Variants in PRH1 observed in about 807,000 individuals in gnomAD.
PRH1 encodes proline rich protein HaeIII subfamily 1.
A neutral mutation model predicts 7.9 loss-of-function variants in PRH1; 7 were observed. The ratio of observed to expected loss-of-function variants is 0.89; its 90% CI spans 0.50 to 1.67. The LOEUF is 1.67. PRH1 is among the 40% of genes most tolerant of loss of function. PRH1 has a pLI of 0.00. For synonymous variants in PRH1, 45 were observed against 80.8 expected, an observed-to-expected ratio of 0.56 and a Z score of 2.38; for missense variants, 109 against 223.6, an observed-to-expected ratio of 0.49 and a Z score of 3.27.
intron 1 of PRH1, chr12:10,986,577 C>T (rs1377016537): frequency 1.2e-6 from 2 of 1,614,058 alleles, no homozygotes; most frequent in Admixed American, 3.3e-5. Context: ...AAGCCACATG[C>T]TGAAATGGTT....
chr12:11,163,350 T>C (rs1302930520), intron 1 of PRH1, among the ~76,000 whole-genome samples: 1 of 142,660 alleles, frequency 7.0e-6, no homozygotes, highest in Non-Finnish European at 1.5e-5. Flanking sequence ...TAAAGGAATA[T>C]TAATCCTGAA....
intron 1 of PRH1, among the ~76,000 whole-genome samples, chr12:11,084,157 A>C (rs1158781492): frequency 2.5e-5 from 3 of 120,092 alleles, no homozygotes; most frequent in Non-Finnish European, 5.9e-5. Context: ...AGGATTAAAA[A>C]CTCCTTCCCT....
intron 1 of PRH1, chr12:11,062,164 G>A (rs1459332408): frequency 1.2e-6 from 2 of 1,613,614 alleles, no homozygotes; most frequent in South Asian, 2.2e-5. Flanking sequence ...AATTTGGTCA[G>A]CAAAAGAGAT....
chr12:11,096,259 A>G (rs7306898), intron 1 of PRH1, among the ~76,000 whole-genome samples: 108,994 of 113,390 alleles, frequency 0.96, 53,491 homozygotes, highest in Middle Eastern at 1. Context: ...CTACCTCTTG[A>G]TCTCTTTATG....
At chr12:11,094,052 T>C (rs143296295) in intron 1 of PRH1, among the ~76,000 whole-genome samples, 2,863 of 112,364 alleles carry the variant, frequency 0.025, 825 homozygotes, top group South Asian at 0.038. Context: ...AAAATCCAGG[T>C]CCAGTGCAGG....
Position 11,090,519 on chromosome 12 carries a change from T to C in PRH1, n.124-43331A>G, listed in dbSNP as rs1443915090. Among the ~76,000 whole-genome samples the C allele has an allele frequency of 2.1e-5, 2 of 93,972 alleles. 1 individual carries two copies. Among genetic ancestry groups the C allele is most frequent in the Non-Finnish European group, 5.2e-5 (2 of 38,442 alleles). The allele number at this position is 93,972 out of a possible 152,430, so 61.6% of individuals were successfully genotyped here. On this transcript the variant is annotated intron_variant and non_coding_transcript_variant, in intron 1 of 4. Transcript: ENST00000541977. ...AATGACGTTTCTAACTGCATATGCATAACTGATGATACCAATCAAGATCAT... is the reference window on the plus strand; with the variant it reads ...AATGACGTTTCTAACTGCATATGCACAACTGATGATACCAATCAAGATCAT...
chr12:11,159,066 GA>G, intron 1 of PRH1: 1 of 154,586 alleles, frequency 6.5e-6, no homozygotes, highest in East Asian at 1.8e-4. Context: ...CTTGAGCCCA[GA>G]GAGTTGAGCT....
At chr12:10,900,828 C>T (rs986287995) in intron 2 of PRH1, among the ~76,000 whole-genome samples, 1 of 152,090 alleles carries the variant, frequency 6.6e-6, no homozygotes, top group African/African-American at 2.4e-5. Context: ...TAGGGAGGCC[C>T]TCTCTGCTTC....
chr12:11,037,455 G>A (rs753446474), intron 1 of PRH1, among the ~76,000 whole-genome samples: 25 of 152,276 alleles, frequency 1.6e-4, no homozygotes, highest in South Asian at 4.1e-4. Flanking sequence ...ACTTACAGGT[G>A]TACATGTGAA....
chr12:10,935,587 C>T (rs16925834), intron 2 of PRH1, among the ~76,000 whole-genome samples: 2,988 of 152,154 alleles, frequency 0.02, 35 homozygotes, highest in South Asian at 0.031. Flanking sequence ...CTCAGTAATA[C>T]CCACTCCCCT....
At chr12:11,128,701 C>T (rs987193084) in intron 1 of PRH1, among the ~76,000 whole-genome samples, 3 of 152,138 alleles carry the variant, frequency 2.0e-5, no homozygotes, top group African/African-American at 7.2e-5. Context: ...GTCGAGATCA[C>T]GCCACTGCAC....
At chr12:10,881,565 A>G (rs1353979800) in intron 3 of PRH1, among the ~76,000 whole-genome samples, 4 of 152,226 alleles carry the variant, frequency 2.6e-5, no homozygotes, top group Non-Finnish European at 5.9e-5. Context: ...CTGAATATAC[A>G]GTATGGTATA....
intron 1 of PRH1, among the ~76,000 whole-genome samples, chr12:11,170,349 A>C (rs1025989004): frequency 2.6e-5 from 4 of 152,130 alleles, no homozygotes; most frequent in Non-Finnish European, 5.9e-5. Flanking sequence ...GATCGAGACC[A>C]TCCTGGCTAA....
At chr12:11,101,740 A>C (rs1231610240) in intron 1 of PRH1, among the ~76,000 whole-genome samples, 2 of 152,222 alleles carry the variant, frequency 1.3e-5, no homozygotes, top group Non-Finnish European at 2.9e-5. Flanking sequence ...GTTAAAATTG[A>C]TGTTACCATA....
At chr12:11,153,957 G>T (rs1947180315) in intron 1 of PRH1, among the ~76,000 whole-genome samples, 1 of 152,124 alleles carries the variant, frequency 6.6e-6, no homozygotes, top group African/African-American at 2.4e-5. Flanking sequence ...GAAACAAGTG[G>T]TTTGTGTCCA....
upstream of PRH1, among the ~76,000 whole-genome samples, chr12:10,885,398 T>C (rs1013488317): frequency 1.1e-4 from 17 of 152,322 alleles, no homozygotes; most frequent in Admixed American, 2.6e-4. Flanking sequence ...CCTATATCTT[T>C]TTTTTTCTCC....
At chr12:11,062,690 G>A (rs1312173611) in intron 1 of PRH1, among the ~76,000 whole-genome samples, 3 of 151,990 alleles carry the variant, frequency 2.0e-5, no homozygotes, top group Admixed American at 2.0e-4. Flanking sequence ...TTTGTCTTTA[G>A]TGACTTCAGT....
chr12:10,903,952 A>AC (rs1555103538), intron 2 of PRH1, among the ~76,000 whole-genome samples: 62 of 144,890 alleles, frequency 4.3e-4, no homozygotes, highest in South Asian at 1.8e-3. Flanking sequence ...AAAAAAAAAA[A>AC]AACAACTAGG....
downstream of PRH1, among the ~76,000 whole-genome samples, chr12:11,116,891 C>G (rs1945747156): frequency 6.6e-6 from 1 of 151,842 alleles, no homozygotes; most frequent in South Asian, 2.1e-4. Context: ...TGATAAAAAC[C>G]CTCAGAAAAC....
Sources: gnomAD v4.1 joint callset for allele counts (sites outside exome capture counted in the v4.1 genomes callset) on GRCh38, gnomAD v4.1.1 for gene constraint, MANE v1.5 for transcripts, NCBI Gene and HGNC (gene_info 2026-07-23, HGNC 2026-07-21) for gene names.